Variants in DTD2 observed in about 807,000 individuals in gnomAD.
DTD2 encodes the protein D-aminoacyl-tRNA deacylase 2.
DTD2 carries 12 observed loss-of-function variants against 15.5 expected under a neutral mutation model. That is an observed-to-expected ratio of 0.77 (90% confidence interval 0.50 to 1.25). The LOEUF is 1.25. DTD2 is among the 50% of genes most tolerant of loss of function. The pLI is 0.00. For missense variants in DTD2, 170 were observed against 201.1 expected (o/e 0.85, Z 0.93); for synonymous variants, 59 against 77.3 (o/e 0.76, Z 1.24).
At chr14:31,448,650 AT>A (rs574675499) in intron 2 of DTD2, among the ~76,000 whole-genome samples, 196 bp from the exon 3 acceptor site, 1 of 152,232 alleles carries the variant, frequency 6.6e-6, no homozygotes, top group Non-Finnish European at 1.5e-5. Context: ...GGCAATTTTC[AT>A]GCAGAAAATG....
rs370863357 is a variant in DTD2, at chr14:31,457,428, G to C, written c.-35C>G. 54 of 1,408,684 alleles carry C rather than the reference G, an allele frequency of 3.8e-5. No individual in the cohort carries two copies. The East Asian group carries it at 1.5e-3, about 38-fold the overall frequency. The allele number at this position is 1,408,684 out of a possible 1,614,324, so 87.3% of individuals were successfully genotyped here. On this transcript the variant is annotated 5_prime_UTR_variant, in exon 1 of 3. Transcript: ENST00000310850. ...CAGCGCCGCGGCCGGACAGTTACTA[G>C]GCCATGTGTCGCTGGCCCCTCCCTC...
At chr14:31,451,622 G>T (rs1404272380) in intron 2 of DTD2, among the ~76,000 whole-genome samples, 2 of 152,148 alleles carry the variant, frequency 1.3e-5, no homozygotes, top group Non-Finnish European at 2.9e-5. Context: ...TGACAAAGTT[G>T]TCAGACATGT....
At chr14:31,453,936 T>C (rs2032067978) in intron 1 of DTD2, among the ~76,000 whole-genome samples, 1 of 152,240 alleles carries the variant, frequency 6.6e-6, no homozygotes, top group African/African-American at 2.4e-5. Flanking sequence ...TTTGTGATAG[T>C]AAATTCTACA....
rs766218899 is a variant in DTD2 at position 31,457,341 on chromosome 14, A to G, written c.53T>C (p.Leu18Pro). The stretch of plus-strand genomic sequence containing the variant: ...TGGGCGAATTTGCAGCCGGGCGTGC[A>G]GGCACTGCTGTAGGAGCGCCCGGGC... ...PQARALLQQC[L>P]HARLQIRPAD... The change falls in exon 1 of 3, where the codon CTG becomes CCG. Residue 18 changes from leucine (L) to proline (P), a missense_variant. Leu to Pro is a moderately conservative substitution (Grantham distance 98). Coordinates refer to ENST00000310850, the MANE Select transcript of DTD2 (RefSeq NM_080664.3). 5.6e-6 allele frequency: 9 copies of G among 1,595,582 alleles called. No individual in the cohort carries two copies. In the East Asian group the frequency reaches 2.0e-4, roughly 36 times the overall value.
chr14:31,448,937 A>G (rs985686561), intron 2 of DTD2, among the ~76,000 whole-genome samples: 2 of 152,180 alleles, frequency 1.3e-5, no homozygotes, highest in African/African-American at 4.8e-5. Flanking sequence ...TCTGTCGCCC[A>G]GGCTGGAGTG....
intron 2 of DTD2, among the ~76,000 whole-genome samples, chr14:31,449,999 T>C (rs935880746): frequency 3.3e-5 from 5 of 152,240 alleles, no homozygotes; most frequent in Admixed American, 3.3e-4. Flanking sequence ...TAGTTTTCTC[T>C]ATTACAAATA....
intron 1 of DTD2, among the ~76,000 whole-genome samples, chr14:31,455,988 A>C (rs192952651): frequency 3.2e-4 from 48 of 152,366 alleles, no homozygotes; most frequent in African/African-American, 1.1e-3. Flanking sequence ...CTGGGAAAGG[A>C]GAGAGATAAG....
At position 31,453,351 on chromosome 14, in the gene DTD2, G is replaced by A; in HGVS notation, c.112-7C>T. 1 of 1,613,644 alleles carries A rather than the reference G, an allele frequency of 6.2e-7. No individual in the cohort carries two copies. Among genetic ancestry groups the A allele is most frequent in the Non-Finnish European group, 8.5e-7 (1 of 1,179,720 alleles). ...TCACCAGTCCTCTTTGGACCTATGA[G>A]AAATCACCACAGTAAACTCAGATTA... On this transcript the variant is annotated splice_region_variant and splice_polypyrimidine_tract_variant and intron_variant, in intron 1 of 2. Transcript: ENST00000310850.
chr14:31,448,091 C>A lies in DTD2; in HGVS notation c.*38G>T. ...AATCTAATTATACTTTAGATCATTT[C>A]ATACCAGAAAACAGCTATAGAAACT... On this transcript the variant is annotated 3_prime_UTR_variant, in exon 3 of 3. Coordinates refer to ENST00000310850, the MANE Select transcript of DTD2 (RefSeq NM_080664.3). The A allele has an allele frequency of 1.4e-6, 2 of 1,479,656 alleles. No individual in the cohort carries two copies. Among genetic ancestry groups the A allele is most frequent in the Non-Finnish European group, 1.8e-6 (2 of 1,087,570 alleles). 91.7% of individuals were successfully genotyped at this position (1,479,656 alleles called of 1,614,324 possible). A position where few individuals can be genotyped will look rare whatever the true frequency, so the allele number is the denominator to read the frequency against.
intron 1 of DTD2, among the ~76,000 whole-genome samples, chr14:31,454,740 TC>T (rs898936271): frequency 5.5e-4 from 84 of 152,310 alleles, no homozygotes; most frequent in African/African-American, 1.9e-3. Context: ...TGACTTCAAG[TC>T]AAAAATCACT....
In DTD2 at chr14:31,449,962, T is replaced by C. The variant is rs77199192; in HGVS notation, c.182-1508A>G. ...GCATTAAGCATCATCAATTTTCACT[T>C]AACTAACATTTATTTTTAAATACCT... is the stretch of plus-strand genomic sequence containing the variant. On this transcript the variant is annotated intron_variant, in intron 2 of 2. Transcript: ENST00000310850. Among the ~76,000 whole-genome samples, 489 of 152,348 alleles carry C rather than the reference T, an allele frequency of 3.2e-3. 4 individuals carry two copies. Among genetic ancestry groups the C allele is most frequent in the African/African-American group, 0.011 (462 of 41,578 alleles).
Position 31,446,638 on chromosome 14 carries a change from C to A in DTD2, c.*1491G>T, listed in dbSNP as rs2031962250. On this transcript the variant is annotated 3_prime_UTR_variant, in exon 3 of 3. Coordinates refer to ENST00000310850, the MANE Select transcript of DTD2 (RefSeq NM_080664.3). ...CTACTTTCTTTCTGGCTTATATGTT[C>A]CAGGATGGGATGGTTGGAGGAGCCC... The A allele has an allele frequency of 1.3e-5, 2 of 152,152 alleles. No homozygotes were observed. The highest frequency in any genetic ancestry group is 4.8e-5 in the African/African-American group (2 of 41,434). 9.4% of individuals were successfully genotyped at this position (152,152 alleles called of 1,614,324 possible). A position where few individuals can be genotyped will look rare whatever the true frequency, so the allele number is the denominator to read the frequency against.
In DTD2 at chr14:31,453,222, A is replaced by G; in HGVS notation, c.181+53T>C. ...CCAACGTGTTGGGATTACAGGTGTG[A>G]GCACCATGCTTGGCCTCTCACTCTT... is the stretch of plus-strand genomic sequence containing the variant. On this transcript the variant is annotated intron_variant, in intron 2 of 2. Coordinates refer to ENST00000310850, the MANE Select transcript of DTD2 (RefSeq NM_080664.3). 2.6e-6 allele frequency: 4 copies of G among 1,559,810 alleles called. No individual in the cohort carries two copies. In the South Asian group the frequency reaches 4.5e-5, roughly 17 times the overall value.
chr14:31,447,342 G>T lies in DTD2; in HGVS notation c.*787C>A, dbSNP rs950059893. The T allele has an allele frequency of 6.6e-6, 1 of 152,014 alleles. No individual in the cohort carries two copies. Among genetic ancestry groups the T allele is most frequent in the African/African-American group, 2.4e-5 (1 of 41,388 alleles). 9.4% of individuals were successfully genotyped at this position (152,014 alleles called of 1,614,324 possible). A position where few individuals can be genotyped will look rare whatever the true frequency, so the allele number is the denominator to read the frequency against. On this transcript the variant is annotated 3_prime_UTR_variant, in exon 3 of 3. Coordinates refer to ENST00000310850, the MANE Select transcript of DTD2 (RefSeq NM_080664.3). ...ATGGTGACTTACATATGGAAATACA[G>T]AAAACTGAAATAGTAAACAAAATTA...
At chr14:31,451,915 G>A (rs2032039605) in intron 2 of DTD2, among the ~76,000 whole-genome samples, 1 of 152,020 alleles carries the variant, frequency 6.6e-6, no homozygotes, top group Non-Finnish European at 1.5e-5. Context: ...GTCCTGAGAG[G>A]GTATGATTTG....
intron 2 of DTD2, among the ~76,000 whole-genome samples, chr14:31,450,546 T>C (rs1376217417): frequency 6.6e-6 from 1 of 152,234 alleles, no homozygotes; most frequent in Admixed American, 6.5e-5. Flanking sequence ...TCTGAATCTA[T>C]GTAATAAATA....
intron 2 of DTD2, chr14:31,452,401 T>G (rs2032045746): frequency 1.3e-5 from 2 of 152,214 alleles, no homozygotes; most frequent in African/African-American, 4.8e-5. Flanking sequence ...AAGTGCACTG[T>G]GTGTATGTGT....
intron 2 of DTD2, among the ~76,000 whole-genome samples, chr14:31,449,425 T>C (rs937053747): frequency 2.6e-5 from 4 of 152,226 alleles, no homozygotes; most frequent in Non-Finnish European, 5.9e-5. Flanking sequence ...CAGAAATTCA[T>C]TGTTACAACT....
At chr14:31,450,432 T>C (rs1250705830) in intron 2 of DTD2, among the ~76,000 whole-genome samples, 1 of 152,180 alleles carries the variant, frequency 6.6e-6, no homozygotes, top group Non-Finnish European at 1.5e-5. Context: ...TGAAGGTGAA[T>C]TGAGGAAGAT....
Sources: allele counts gnomAD v4.1 joint callset (sites outside exome capture counted in the v4.1 genomes callset), GRCh38; gene constraint gnomAD v4.1.1; transcripts MANE v1.5; gene names NCBI Gene and HGNC (gene_info 2026-07-23, HGNC 2026-07-21).